The following CRACD variants were observed in gnomAD, a reference collection of about 807,000 sequenced individuals.
CRACD encodes the protein capping protein inhibiting regulator of actin dynamics.
Under a neutral mutation model 106.8 loss-of-function variants are expected in CRACD, and 56 were observed. That is an observed-to-expected ratio of 0.52 (90% CI 0.42 to 0.66). The LOEUF (loss-of-function observed/expected upper bound fraction) is 0.66, where lower values mean the gene tolerates loss of function less well. CRACD is among the 30% of genes least tolerant of loss of function. The pLI is 0.00. For synonymous variants in CRACD, 754 were observed against 670.8 expected (o/e 1.12, Z -1.92); for missense variants, 1,730 against 1,623.2 (o/e 1.07, Z -1.13).
chr4:56,320,408 G>C (rs1047332697), intron 8 of CRACD, among the ~76,000 whole-genome samples: 2 of 152,038 alleles, frequency 1.3e-5, no homozygotes, highest in African/African-American at 4.8e-5. Context: ...TTTTAATTAG[G>C]AATTTTGAAC....
At chr4:56,096,631 T>TAA (rs34745267) in intron 1 of CRACD, among the ~76,000 whole-genome samples, 21,709 of 146,366 alleles carry the variant, frequency 0.15, 1,604 homozygotes, top group East Asian at 0.25. Flanking sequence ...GACCTTGTCT[T>TAA]AAAAAAAAAA....
At chr4:56,178,714 C>T (rs2109432950) in intron 1 of CRACD, among the ~76,000 whole-genome samples, 1 of 152,140 alleles carries the variant, frequency 6.6e-6, no homozygotes, top group East Asian at 1.9e-4. Flanking sequence ...TGCAAAGGGC[C>T]TGTGTTAATC....
chr4:56,190,877 G>A (rs1365697874), intron 2 of CRACD, among the ~76,000 whole-genome samples: 1 of 152,048 alleles, frequency 6.6e-6, no homozygotes, highest in African/African-American at 2.4e-5. Context: ...CTCCGTGAGG[G>A]CTATAAAAAA....
chr4:56,188,711 C>CAGAG lies in CRACD; in HGVS notation c.-189+9302_-189+9305dup, dbSNP rs142124735. Among the ~76,000 whole-genome samples, 980 of 113,054 alleles carry CAGAG rather than the reference C, an allele frequency of 8.7e-3. 11 individuals are homozygous for CAGAG. Among genetic ancestry groups the CAGAG allele is most frequent in the African/African-American group, 0.029 (740 of 25,790 alleles). 74.2% of individuals were successfully genotyped at this position (113,054 alleles called of 152,430 possible). On this transcript the variant is annotated intron_variant, in intron 2 of 10. Coordinates refer to ENST00000682029, the MANE Select transcript of CRACD (RefSeq NM_001393381.1). ...TCACACACACACACACACACACACA[C>CAGAG]AGAGAGAGAGAGAGAGAGAGAGAGG...
rs372353613 is a variant in CRACD at position 56,209,564 on chromosome 4, A to C, written c.-189+30134A>C. On this transcript the variant is annotated intron_variant, in intron 2 of 10. Coordinates refer to ENST00000682029, the MANE Select transcript of CRACD (RefSeq NM_001393381.1). Reference sequence around the variant, plus strand: ...TGAACTGTTTTATATCAGTATTTGCAGATAAAAATTATTAAATTATTCTAT... The same window carrying C: ...TGAACTGTTTTATATCAGTATTTGCCGATAAAAATTATTAAATTATTCTAT... Among the ~76,000 whole-genome samples the C allele has an allele frequency of 1.2e-3, 185 of 152,268 alleles. 2 individuals are homozygous for C. In the South Asian group the frequency reaches 0.012, roughly 10 times the overall value.
intron 2 of CRACD, among the ~76,000 whole-genome samples, chr4:56,243,507 A>G (rs970339018): frequency 6.6e-6 from 1 of 152,232 alleles, no homozygotes; most frequent in African/African-American, 2.4e-5. Flanking sequence ...CTATAAACAA[A>G]TACACTATAT....
At chr4:56,240,122 T>C (rs1005068612) in intron 2 of CRACD, among the ~76,000 whole-genome samples, 1 of 152,180 alleles carries the variant, frequency 6.6e-6, no homozygotes, top group African/African-American at 2.4e-5. Flanking sequence ...ATAGTATTCA[T>C]TTATTAAATA....
chr4:56,315,273 G>T lies in CRACD; in HGVS notation c.1771G>T (p.Val591Phe). 6.2e-7 allele frequency: 1 copy of T among 1,611,862 alleles called. No individual in the cohort carries two copies. The highest frequency in any genetic ancestry group is 8.5e-7 in the Non-Finnish European group (1 of 1,179,274). ...VQHALPSSLS[V>F]PHTAILVTGA... ...GCACGCCCTACCGTCGTCCCTGAGC[G>T]TTCCCCACACCGCCATTCTGGTCAC... The change falls in exon 8 of 11, where the codon GTT becomes TTT. Residue 591 changes from valine to phenylalanine, a missense_variant. Around this residue, in one of 5 missense-constraint regions of CRACD, gnomAD observed 1,620 missense variants for 1,481.6 expected, o/e 1.09. Transcript: ENST00000682029. This position sits in a 1 kb window ranked among gnomAD's most constrained non-coding sequence, Gnocchi z 4.1.
At chr4:56,303,037 C>T (rs1744459222) in intron 4 of CRACD, among the ~76,000 whole-genome samples, 1 of 152,134 alleles carries the variant, frequency 6.6e-6, no homozygotes, top group Admixed American at 6.5e-5. Flanking sequence ...TTTATACTTC[C>T]CATGTGTATA....
chr4:56,249,692 T>G (rs1740935465), intron 2 of CRACD, among the ~76,000 whole-genome samples: 1 of 152,204 alleles, frequency 6.6e-6, no homozygotes, highest in Non-Finnish European at 1.5e-5. Flanking sequence ...GATGCCTCCC[T>G]GAGCCTATCT....
At chr4:56,069,364 A>T (rs1732561011) in intron 1 of CRACD, among the ~76,000 whole-genome samples, 1 of 152,144 alleles carries the variant, frequency 6.6e-6, no homozygotes, top group Non-Finnish European at 1.5e-5. Flanking sequence ...GAGAGTCTTT[A>T]GTTTAGAGAT....
chr4:56,218,698 C>T (rs1232280109), intron 2 of CRACD, among the ~76,000 whole-genome samples: 1 of 151,424 alleles, frequency 6.6e-6, no homozygotes, highest in East Asian at 1.9e-4. Context: ...ACCTCAAACA[C>T]CTGGCCTCAA....
intron 1 of CRACD, among the ~76,000 whole-genome samples, chr4:56,064,763 A>C (rs1410394591): frequency 1.3e-5 from 2 of 152,150 alleles, no homozygotes; most frequent in Admixed American, 1.3e-4. Context: ...TCTCTACCTT[A>C]ACTTTTAAAT....
At chr4:56,294,110 C>T (rs1225549256) in intron 3 of CRACD, among the ~76,000 whole-genome samples, 2 of 151,950 alleles carry the variant, frequency 1.3e-5, no homozygotes, top group East Asian at 3.9e-4. Flanking sequence ...CCTGTAGTCC[C>T]AGCTACTTGG....
At chr4:56,260,343 G>T (rs902269391) in intron 2 of CRACD, among the ~76,000 whole-genome samples, 4 of 152,154 alleles carry the variant, frequency 2.6e-5, no homozygotes, top group African/African-American at 9.7e-5. Flanking sequence ...TGGGGGAACG[G>T]GTTAGTGTGA....
chr4:56,223,888 A>G (rs1739170490), intron 2 of CRACD, among the ~76,000 whole-genome samples: 1 of 152,156 alleles, frequency 6.6e-6, no homozygotes, highest in South Asian at 2.1e-4. Context: ...CCTTCCAAGT[A>G]GCTGGGACTA....
intron 1 of CRACD, among the ~76,000 whole-genome samples, chr4:56,071,853 C>G (rs1272998301): frequency 6.7e-6 from 1 of 150,104 alleles, no homozygotes; most frequent in South Asian, 2.3e-4. Context: ...TGGGGCCGGG[C>G]GCGGTGGCTC....
chr4:56,181,307 C>T (rs1736809817), intron 2 of CRACD, among the ~76,000 whole-genome samples: 2 of 152,106 alleles, frequency 1.3e-5, no homozygotes, highest in South Asian at 2.1e-4. Context: ...GGTGTAAAGG[C>T]CCTAAGGAGG....
chr4:56,123,936 A>G (rs1734574222), intron 1 of CRACD, among the ~76,000 whole-genome samples: 1 of 127,892 alleles, frequency 7.8e-6, no homozygotes, highest in African/African-American at 3.2e-5. Flanking sequence ...GGGCTTCCTT[A>G]TTTTAAAATC....
Sources: allele counts gnomAD v4.1 joint callset (sites outside exome capture counted in the v4.1 genomes callset), GRCh38; gene constraint gnomAD v4.1.1; regional missense constraint gnomAD v4.1.1; non-coding constraint Gnocchi (gnomAD v3.1); transcripts MANE v1.5; gene names NCBI Gene and HGNC (gene_info 2026-07-23, HGNC 2026-07-21).